ZRANB3: variants seen among roughly 807,000 people sequenced by gnomAD.
The protein encoded by ZRANB3 is zinc finger RANBP2-type containing 3, also known as DNA annealing helicase and endonuclease ZRANB3.
ZRANB3 carries 125 observed loss-of-function variants against 133.8 expected under a neutral mutation model. The ratio of observed to expected loss-of-function variants is 0.93; its 90% CI spans 0.81 to 1.08. ZRANB3 has a LOEUF of 1.08. Among genes scored for constraint, ZRANB3 ranks in the 50% least tolerant of loss-of-function variants. The probability of loss-of-function intolerance (pLI) is 0.00; values close to 1 mark genes in which losing one functional copy is unlikely to be tolerated. For missense variants in ZRANB3, 1,229 were observed against 1,275.5 expected, an observed-to-expected ratio of 0.96 and a Z score of 0.56; for synonymous variants, 387 against 432.7, an observed-to-expected ratio of 0.89 and a Z score of 1.31.
rs1474102675 is a variant in ZRANB3 at position 135,198,631 on chromosome 2, C to T, written c.*1711G>A. On this transcript the variant is annotated 3_prime_UTR_variant, in exon 21 of 21. Coordinates refer to ENST00000264159, the MANE Select transcript of ZRANB3 (RefSeq NM_032143.4). ...ATTTGACCTACTTAGACCTCGCTTG[C>T]AAAACCCCATGCTGGAGGAAAGGCA... 1 of 152,194 alleles carries T rather than the reference C, an allele frequency of 6.6e-6. No homozygotes were observed. The highest frequency in any genetic ancestry group is 1.9e-4 in the East Asian group (1 of 5,192). 9.4% of individuals were successfully genotyped at this position (152,194 alleles called of 1,614,324 possible). A position where few individuals can be genotyped will look rare whatever the true frequency, so the allele number is the denominator to read the frequency against.
rs1009120657 is a variant in ZRANB3 at position 135,355,287 on chromosome 2, G to A, written c.181-1659C>T. The A allele has an allele frequency of 2.8e-5, 28 of 984,560 alleles. No individual in the cohort carries two copies. The Middle Eastern group carries it at 3.1e-3, about 109-fold the overall frequency. 61.0% of individuals were successfully genotyped at this position (984,560 alleles called of 1,614,324 possible). ...TCAAAGCCCTCCAATTTTCACACCC[G>A]AAGCCACTCAAACATCACTGGATTC... On this transcript the variant is annotated intron_variant, in intron 3 of 20. Transcript: ENST00000264159.
chr2:135,424,821 C>G (rs1558990952), intron 2 of ZRANB3, among the ~76,000 whole-genome samples: 1 of 152,154 alleles, frequency 6.6e-6, no homozygotes, highest in Non-Finnish European at 1.5e-5. Flanking sequence ...AGCACAAAGT[C>G]TGAAAATAAC....
chr2:135,214,068 C>T (rs1476050703), intron 17 of ZRANB3, among the ~76,000 whole-genome samples: 1 of 152,168 alleles, frequency 6.6e-6, no homozygotes, highest in African/African-American at 2.4e-5. Context: ...AGGTGAATTC[C>T]TTTCCAAGCT....
chr2:135,308,333 G>C (rs984117131), intron 8 of ZRANB3, among the ~76,000 whole-genome samples: 3 of 152,102 alleles, frequency 2.0e-5, no homozygotes, highest in Admixed American at 6.5e-5. Flanking sequence ...CATGGACTAG[G>C]CTTTGAGGTT....
intron 1 of ZRANB3, among the ~76,000 whole-genome samples, chr2:135,506,747 C>T (rs940415743): frequency 1.3e-5 from 2 of 152,122 alleles, no homozygotes; most frequent in Non-Finnish European, 2.9e-5. Context: ...AGGGGAATGA[C>T]ACAATCTGAC....
chr2:135,318,170 A>G (rs1226539772), intron 6 of ZRANB3, among the ~76,000 whole-genome samples: 1 of 151,448 alleles, frequency 6.6e-6, no homozygotes, highest in African/African-American at 2.4e-5. Context: ...TATATTAAAT[A>G]TATTTCTTGG....
intron 6 of ZRANB3, among the ~76,000 whole-genome samples, chr2:135,326,351 C>T (rs1431747472): frequency 6.6e-6 from 1 of 152,048 alleles, no homozygotes; most frequent in Non-Finnish European, 1.5e-5. Flanking sequence ...ACCCATCACC[C>T]AACCATTTAC....
chr2:135,526,996 C>T (rs1694191224), intron 1 of ZRANB3, among the ~76,000 whole-genome samples: 1 of 152,156 alleles, frequency 6.6e-6, no homozygotes, highest in African/African-American at 2.4e-5. Context: ...TGAGTTGTCC[C>T]GCCTTTCTAA....
At chr2:135,328,777 TCATTGTGGTTTTGATTTG>T (rs1362673488) in intron 6 of ZRANB3, among the ~76,000 whole-genome samples, 1 of 152,202 alleles carries the variant, frequency 6.6e-6, no homozygotes, top group Non-Finnish European at 1.5e-5. Context: ...AGATGGTATC[TCATTGTGGTTTTGATTTG>T]CATTCCTCTG....
chr2:135,392,357 G>GT (rs1687276684), intron 2 of ZRANB3, among the ~76,000 whole-genome samples: 1 of 116,476 alleles, frequency 8.6e-6, no homozygotes, highest in Admixed American at 9.0e-5. Flanking sequence ...AAAAAAAAAG[G>GT]GGGGGGGGGC....
intron 8 of ZRANB3, among the ~76,000 whole-genome samples, chr2:135,283,504 G>A (rs1441650377): frequency 6.6e-6 from 1 of 151,772 alleles, no homozygotes; most frequent in East Asian, 1.9e-4. Context: ...CAGCTAGTTG[G>A]GAGGCTGAGG....
intron 2 of ZRANB3, among the ~76,000 whole-genome samples, chr2:135,429,287 G>C (rs1345809288): frequency 1.3e-5 from 2 of 152,146 alleles, no homozygotes; most frequent in Non-Finnish European, 2.9e-5. Flanking sequence ...CAAAGGAACA[G>C]AAAACCAAGT....
At chr2:135,481,520 T>C (rs1358663465) in intron 2 of ZRANB3, among the ~76,000 whole-genome samples, 2 of 152,230 alleles carry the variant, frequency 1.3e-5, no homozygotes, top group Non-Finnish European at 2.9e-5. Context: ...TATTAGCCCT[T>C]TGTCACATGA....
chr2:135,225,631 G>GTA (rs1310538789), intron 14 of ZRANB3, among the ~76,000 whole-genome samples: 1 of 152,100 alleles, frequency 6.6e-6, no homozygotes, highest in East Asian at 1.9e-4. Flanking sequence ...TACACATGAG[G>GTA]TATATGCATT....
chr2:135,425,790 A>C (rs1263414932), intron 2 of ZRANB3, among the ~76,000 whole-genome samples: 2 of 152,172 alleles, frequency 1.3e-5, no homozygotes, highest in Non-Finnish European at 2.9e-5. Flanking sequence ...GGAAATAGAG[A>C]AACAAGAGCA....
chr2:135,477,016 T>A (rs1013427507), intron 2 of ZRANB3, among the ~76,000 whole-genome samples: 1 of 152,210 alleles, frequency 6.6e-6, no homozygotes, highest in African/African-American at 2.4e-5. Flanking sequence ...CGACCATGCC[T>A]ACCTTCTCTA....
At chr2:135,204,825 C>A (rs932527005) in intron 19 of ZRANB3, among the ~76,000 whole-genome samples, 36 of 147,756 alleles carry the variant, frequency 2.4e-4, no homozygotes, top group African/African-American at 9.0e-4. Context: ...CTAGTCCTAC[C>A]CAATTCGAGC....
rs866322625 is a variant in ZRANB3 at position 135,245,951 on chromosome 2, G to A, written c.1540-15024C>T. ...CAAAAAAAAAAAAAAAAAAAAAAGA[G>A]ACAGGGTTTCACCATGATAAACATC... On this transcript the variant is annotated intron_variant, in intron 12 of 20. Coordinates refer to ENST00000264159, the MANE Select transcript of ZRANB3 (RefSeq NM_032143.4). Among the ~76,000 whole-genome samples the A allele has an allele frequency of 6.3e-3, 539 of 85,804 alleles. 10 individuals are homozygous for A. The highest frequency in any genetic ancestry group is 0.028 in the African/African-American group (459 of 16,590). The allele number at this position is 85,804 out of a possible 152,430, so 56.3% of individuals were successfully genotyped here. A position where few individuals can be genotyped will look rare whatever the true frequency, so the allele number is the denominator to read the frequency against.
chr2:135,508,384 G>A (rs1040010962), intron 1 of ZRANB3, among the ~76,000 whole-genome samples: 3 of 152,122 alleles, frequency 2.0e-5, no homozygotes, highest in Non-Finnish European at 2.9e-5. Flanking sequence ...TGATCTGCCC[G>A]CCTCTGCCTC....
Sources: gnomAD v4.1 joint callset for allele counts (sites outside exome capture counted in the v4.1 genomes callset) on GRCh38, gnomAD v4.1.1 for gene constraint, MANE v1.5 for transcripts, NCBI Gene and HGNC (gene_info 2026-07-23, HGNC 2026-07-21) for gene names.